SLC15A1: variants seen among roughly 807,000 people sequenced by gnomAD.
The protein encoded by SLC15A1 is Caco-2 oligopeptide transporter.
In SLC15A1, 83 loss-of-function variants were observed where a neutral mutation model predicts 92.9. That is an observed-to-expected ratio of 0.89 (90% confidence interval 0.75 to 1.07). The LOEUF (loss-of-function observed/expected upper bound fraction) is 1.07, where lower values mean the gene tolerates loss of function less well. Among genes scored for constraint, SLC15A1 ranks in the 50% least tolerant of loss-of-function variants. The pLI is 0.00. For synonymous variants in SLC15A1, 322 were observed against 318.2 expected (o/e 1.01, Z -0.13); for missense variants, 857 against 880.1 (o/e 0.97, Z 0.33).
At chr13:98,708,967 CTTTT>C (rs61087152) in intron 14 of SLC15A1, among the ~76,000 whole-genome samples, 200 bp from the exon 15 acceptor site, 12 of 126,728 alleles carry the variant, frequency 9.5e-5, no homozygotes, top group African/African-American at 1.5e-4. Context: ...TGCATATTTA[CTTTT>C]TTTTTTTTTT....
At chr13:98,703,525 AGCTGCT>A (rs1566446359) in intron 17 of SLC15A1, among the ~76,000 whole-genome samples, 3 of 132,796 alleles carry the variant, frequency 2.3e-5, no homozygotes, top group East Asian at 2.9e-4. Flanking sequence ...ATACCTTTGT[AGCTGCT>A]GCTGCTGCTT....
intron 17 of SLC15A1, among the ~76,000 whole-genome samples, chr13:98,702,987 A>G (rs2088081321): frequency 6.7e-6 from 1 of 150,160 alleles, no homozygotes; most frequent in African/African-American, 2.5e-5. Context: ...AAAAAAAAAA[A>G]AAAAAAGAAA....
chr13:98,744,038 GA>G (rs1294673189), intron 1 of SLC15A1, among the ~76,000 whole-genome samples: 1 of 151,860 alleles, frequency 6.6e-6, no homozygotes, highest in African/African-American at 2.4e-5. Context: ...AAATTAAAAG[GA>G]AACAAGCCTG....
rs1181787186 is a variant in SLC15A1 at position 98,726,828 on chromosome 13, A to C, written c.21+15T>G. 5 of 1,609,778 alleles carry C rather than the reference A, an allele frequency of 3.1e-6. No individual in the cohort carries two copies. The highest frequency in any genetic ancestry group is 4.3e-6 in the Non-Finnish European group (5 of 1,176,198). ...ACAAGATGAAGATATGTAGAGAAGG[A>C]AAAAGGGTACTCACGTGTGATTTGG... On this transcript the variant is annotated intron_variant, in intron 2 of 22. Transcript: ENST00000376503.
intron 18 of SLC15A1, among the ~76,000 whole-genome samples, chr13:98,700,136 T>C (rs2088055355): frequency 6.6e-6 from 1 of 152,182 alleles, no homozygotes; most frequent in Non-Finnish European, 1.5e-5. Context: ...TTATAGTGAA[T>C]CTTTTTATTC....
rs772393051 is a variant in SLC15A1 at position 98,721,482 on chromosome 13, A to G, written c.556+13T>C. 2.5e-6 allele frequency: 4 copies of G among 1,594,570 alleles called. No homozygotes were observed. In the South Asian group the frequency reaches 4.4e-5, roughly 18 times the overall value. Reference sequence around the variant, plus strand: ...AAAAAGACCAACAGAAGTTCCTTTCAGGTATCTCTTACCTCTGAGCATGGG... The same window carrying G: ...AAAAAGACCAACAGAAGTTCCTTTCGGGTATCTCTTACCTCTGAGCATGGG... On this transcript the variant is annotated intron_variant, in intron 7 of 22. Transcript: ENST00000376503.
At position 98,691,381 on chromosome 13, in the gene SLC15A1, A is replaced by G. The variant is rs1333900267; in HGVS notation, c.1467-2804T>C. On this transcript the variant is annotated intron_variant, in intron 18 of 22. Coordinates refer to ENST00000376503, the MANE Select transcript of SLC15A1 (RefSeq NM_005073.4). ...GACTAACATTCCATCATATGGATAT[A>G]CCACCTTTTATCAGCTGATGGACAT... Among the ~76,000 whole-genome samples, 4 of 152,356 alleles carry G rather than the reference A, an allele frequency of 2.6e-5. No individual in the cohort carries two copies. In the East Asian group the frequency reaches 7.7e-4, roughly 29 times the overall value.
chr13:98,722,241 C>A (rs2088266499), intron 5 of SLC15A1, among the ~76,000 whole-genome samples: 1 of 152,120 alleles, frequency 6.6e-6, no homozygotes, highest in Non-Finnish European at 1.5e-5. Context: ...CAAATATAAG[C>A]ATTGTGCCTG....
chr13:98,714,432 G>A (rs1364206331), intron 9 of SLC15A1, among the ~76,000 whole-genome samples: 7 of 151,956 alleles, frequency 4.6e-5, no homozygotes, highest in Non-Finnish European at 7.4e-5. Flanking sequence ...TGAGGCGGGC[G>A]GATCACCTGA....
chr13:98,684,564 A>AG lies in SLC15A1; in HGVS notation c.*159_*160insC, dbSNP rs1018571108. 9 of 460,796 alleles carry AG rather than the reference A, an allele frequency of 2.0e-5. No homozygotes were observed. Among genetic ancestry groups the AG allele is most frequent in the Non-Finnish European group, 3.0e-5 (8 of 264,940 alleles). The allele number at this position is 460,796 out of a possible 1,614,324, so 28.5% of individuals were successfully genotyped here. On this transcript the variant is annotated 3_prime_UTR_variant, in exon 23 of 23. Transcript: ENST00000376503. ...CTGTCTCAAAAAAAAAAAAAAAAAA[A>AG]AAAAGAAAAGAAAAAGAAAAAAGAA...
chr13:98,704,780 G>A (rs1230511268), intron 16 of SLC15A1, among the ~76,000 whole-genome samples: 2 of 152,142 alleles, frequency 1.3e-5, no homozygotes, highest in Non-Finnish European at 2.9e-5. Flanking sequence ...ATCAATACTG[G>A]GCTGCTCCAA....
intron 9 of SLC15A1, among the ~76,000 whole-genome samples, chr13:98,714,431 C>T (rs1450612093): frequency 2.6e-5 from 4 of 151,796 alleles, no homozygotes; most frequent in Admixed American, 6.6e-5. Context: ...CTGAGGCGGG[C>T]GGATCACCTG....
intron 18 of SLC15A1, among the ~76,000 whole-genome samples, chr13:98,696,571 C>T (rs1012613953): frequency 2.6e-5 from 4 of 152,124 alleles, no homozygotes; most frequent in African/African-American, 4.8e-5. Context: ...CATTCTGAGG[C>T]GAAAGGGAAA....
At chr13:98,709,370 G>T (rs779297190) in intron 14 of SLC15A1, among the ~76,000 whole-genome samples, 6 of 152,200 alleles carry the variant, frequency 3.9e-5, no homozygotes, top group Admixed American at 6.5e-5. Context: ...TTGATTAAAG[G>T]CCTTTTCAGG....
intron 21 of SLC15A1, among the ~76,000 whole-genome samples, chr13:98,687,104 T>G (rs111311485): frequency 0.013 from 1,954 of 152,112 alleles, 47 homozygotes; most frequent in African/African-American, 0.043. Context: ...TGCTCTACCA[T>G]GCTCAGCTAA....
chr13:98,749,289 C>G (rs1250308135), intron 1 of SLC15A1, among the ~76,000 whole-genome samples: 2 of 152,192 alleles, frequency 1.3e-5, no homozygotes, highest in Non-Finnish European at 2.9e-5. Context: ...ATCAGAATCA[C>G]AAACAAGGCC....
intron 1 of SLC15A1, among the ~76,000 whole-genome samples, chr13:98,747,633 C>T (rs1392034779): frequency 3.9e-5 from 6 of 152,182 alleles, no homozygotes; most frequent in Non-Finnish European, 8.8e-5. Context: ...GTAATCCCAG[C>T]ACTTTGGGAG....
chr13:98,708,574 C>T (rs1260339445), intron 15 of SLC15A1, 112 bp downstream of exon 15: 2 of 862,056 alleles, frequency 2.3e-6, no homozygotes, highest in African/African-American at 1.7e-5. Flanking sequence ...GCTCAGTTTA[C>T]AGAGAAAGAC....
At chr13:98,698,165 G>C (rs962872413) in intron 18 of SLC15A1, among the ~76,000 whole-genome samples, 2 of 152,182 alleles carry the variant, frequency 1.3e-5, no homozygotes, top group African/African-American at 2.4e-5. Context: ...CACCTGGATA[G>C]TCAAGACATT....
Sources: allele counts gnomAD v4.1 joint callset (sites outside exome capture counted in the v4.1 genomes callset), GRCh38; gene constraint gnomAD v4.1.1; transcripts MANE v1.5; gene names NCBI Gene and HGNC (gene_info 2026-07-23, HGNC 2026-07-21).